The following GALNT17 variants were observed in gnomAD, a reference collection of about 807,000 sequenced individuals.
GALNT17 encodes polypeptide N-acetylgalactosaminyltransferase 17.
Under a neutral mutation model 63.7 loss-of-function variants are expected in GALNT17, and 29 were observed. The observed-to-expected ratio is 0.46, with a 90% CI of 0.34 to 0.62. The LOEUF (loss-of-function observed/expected upper bound fraction) is 0.62. GALNT17 is among the 20% of genes least tolerant of loss of function. The pLI is 0.01. For missense variants in GALNT17, 603 were observed against 799.6 expected, an observed-to-expected ratio of 0.75 and a Z score of 2.97; for synonymous variants, 305 against 318.3, an observed-to-expected ratio of 0.96 and a Z score of 0.45.
intron 1 of GALNT17, among the ~76,000 whole-genome samples, chr7:71,236,563 T>C (rs1789895183): frequency 6.6e-6 from 1 of 152,164 alleles, no homozygotes; most frequent in South Asian, 2.1e-4. Context: ...GGGGAATACA[T>C]TGCTTTGCCT....
intron 1 of GALNT17, among the ~76,000 whole-genome samples, chr7:71,317,375 G>A (rs1328132664): frequency 6.6e-6 from 1 of 152,184 alleles, no homozygotes; most frequent in East Asian, 1.9e-4. Context: ...ATATCTAGAA[G>A]GTATAAGATG....
At chr7:71,646,248 A>T (rs1384972204) in intron 6 of GALNT17, among the ~76,000 whole-genome samples, 2 of 152,222 alleles carry the variant, frequency 1.3e-5, no homozygotes, top group South Asian at 2.1e-4. Context: ...ACTTTTAAAA[A>T]TTTAATTGAT....
chr7:71,499,672 A>G (rs564130244), intron 5 of GALNT17, among the ~76,000 whole-genome samples: 120 of 152,110 alleles, frequency 7.9e-4, no homozygotes, highest in Middle Eastern at 6.8e-3. Context: ...CCTGAAATGC[A>G]CTCCCGATTT....
intron 5 of GALNT17, among the ~76,000 whole-genome samples, chr7:71,435,335 T>G (rs146008258): frequency 6.6e-6 from 1 of 152,330 alleles, no homozygotes; most frequent in East Asian, 1.9e-4. Flanking sequence ...AGGGAGGAAC[T>G]TAGTTTATAG....
At chr7:71,615,011 A>G (rs888367821) in intron 6 of GALNT17, among the ~76,000 whole-genome samples, 3 of 152,146 alleles carry the variant, frequency 2.0e-5, no homozygotes, top group Non-Finnish European at 2.9e-5. Context: ...GTGCTCCTCA[A>G]GAAGGACACG....
At chr7:71,217,064 A>G (rs1789495267) in intron 1 of GALNT17, among the ~76,000 whole-genome samples, 1 of 151,364 alleles carries the variant, frequency 6.6e-6, no homozygotes, top group Non-Finnish European at 1.5e-5. Flanking sequence ...TCTCAGCTCC[A>G]GTGATCCTCC....
intron 5 of GALNT17, among the ~76,000 whole-genome samples, chr7:71,462,262 C>A (rs988093465): frequency 6.6e-6 from 1 of 152,174 alleles, no homozygotes; most frequent in African/African-American, 2.4e-5. Context: ...CTCAGCCATT[C>A]GTTCCCTCCA....
At chr7:71,198,640 C>T (rs901194501) in intron 1 of GALNT17, among the ~76,000 whole-genome samples, 11 of 152,328 alleles carry the variant, frequency 7.2e-5, no homozygotes, top group African/African-American at 9.6e-5. Context: ...TCCTAATTAA[C>T]GACGCTATAG....
chr7:71,419,328 C>T (rs766704150), intron 4 of GALNT17, among the ~76,000 whole-genome samples: 1 of 152,146 alleles, frequency 6.6e-6, no homozygotes, highest in Non-Finnish European at 1.5e-5. Flanking sequence ...TACTTAACCT[C>T]CCTGGTCCTC....
chr7:71,380,033 G>A (rs1443952500), intron 2 of GALNT17, among the ~76,000 whole-genome samples: 1 of 152,160 alleles, frequency 6.6e-6, no homozygotes, highest in Admixed American at 6.5e-5. Flanking sequence ...GAGTGTCCAG[G>A]ATCCGAGAGG....
At chr7:71,565,364 A>G (rs10950265) in intron 5 of GALNT17, among the ~76,000 whole-genome samples, 77,340 of 151,760 alleles carry the variant, frequency 0.51, 20,389 homozygotes, top group African/African-American at 0.63. Flanking sequence ...TCCCCTCCTC[A>G]GTGAAGGTGA....
chr7:71,375,914 C>T (rs1466608346), intron 2 of GALNT17, among the ~76,000 whole-genome samples: 1 of 152,092 alleles, frequency 6.6e-6, no homozygotes, highest in Non-Finnish European at 1.5e-5. Flanking sequence ...CCCGACTGTA[C>T]TGAAACTTCA....
At chr7:71,154,635 G>A (rs1346552885) in intron 1 of GALNT17, among the ~76,000 whole-genome samples, 4 of 152,154 alleles carry the variant, frequency 2.6e-5, no homozygotes, top group East Asian at 1.9e-4. Flanking sequence ...GGAGTGCGGT[G>A]GCACGATCTC....
intron 1 of GALNT17, among the ~76,000 whole-genome samples, chr7:71,184,263 C>T (rs79017528): frequency 7.9e-5 from 12 of 152,114 alleles, no homozygotes; most frequent in Admixed American, 7.2e-4. Context: ...TTGTTCAAGC[C>T]ACACAGCTTT....
At chr7:71,496,213 A>G (rs1584002742) in intron 5 of GALNT17, among the ~76,000 whole-genome samples, 1 of 152,246 alleles carries the variant, frequency 6.6e-6, no homozygotes, top group East Asian at 1.9e-4. Context: ...TTGAATGTGA[A>G]GGACCCTGCA....
At chr7:71,142,257 C>G (rs888133279) in intron 1 of GALNT17, among the ~76,000 whole-genome samples, 9 of 152,120 alleles carry the variant, frequency 5.9e-5, no homozygotes, top group African/African-American at 1.7e-4. Flanking sequence ...TTGTGAATGT[C>G]AGACGAGGTG....
chr7:71,242,243 T>C (rs905055787), intron 1 of GALNT17, among the ~76,000 whole-genome samples: 3 of 144,138 alleles, frequency 2.1e-5, no homozygotes, highest in Non-Finnish European at 4.5e-5. Flanking sequence ...GGATCACATT[T>C]CTTTTTTTTT....
chr7:71,292,932 G>T (rs545335798), intron 1 of GALNT17, among the ~76,000 whole-genome samples: 1 of 152,118 alleles, frequency 6.6e-6, no homozygotes, highest in South Asian at 2.1e-4. Context: ...TTTTCAATAT[G>T]TGAGATCATG....
chr7:71,345,123 GT>G (rs763779522), intron 2 of GALNT17, among the ~76,000 whole-genome samples: 9 of 143,938 alleles, frequency 6.3e-5, no homozygotes, highest in African/African-American at 1.0e-4. Context: ...AGCCCCCACT[GT>G]TTTTTTTTTG....
Sources: gnomAD v4.1 joint callset for allele counts (sites outside exome capture counted in the v4.1 genomes callset) on GRCh38, gnomAD v4.1.1 for gene constraint, MANE v1.5 for transcripts, NCBI Gene and HGNC (gene_info 2026-07-23, HGNC 2026-07-21) for gene names.